Variants in BBS9 observed in about 807,000 individuals in gnomAD.
BBS9 encodes Bardet-Biedl syndrome 9.
BBS9 carries 89 observed loss-of-function variants against 117.7 expected under a neutral mutation model. The ratio of observed to expected loss-of-function variants is 0.76; its 90% CI spans 0.64 to 0.90. The LOEUF (loss-of-function observed/expected upper bound fraction) is 0.90. Ranked by LOEUF, BBS9 falls within the 40% of genes least tolerant of loss-of-function variation. The pLI, the probability that BBS9 is intolerant of heterozygous loss-of-function variation, is 0.00. For missense variants in BBS9, 982 were observed against 1,042.2 expected (o/e 0.94, Z 0.80); for synonymous variants, 379 against 370.9 (o/e 1.02, Z -0.25).
At chr7:33,441,873 A>G (rs1005095644) in intron 19 of BBS9, among the ~76,000 whole-genome samples, 2 of 150,598 alleles carry the variant, frequency 1.3e-5, no homozygotes, top group Non-Finnish European at 3.0e-5. Flanking sequence ...AATGTTTTCA[A>G]CCATCCCTGG....
At position 33,505,609 on chromosome 7, in the gene BBS9, G is replaced by T. The variant is rs751886707; in HGVS notation, c.2262G>T (p.Ala754=). The T allele has an allele frequency of 4.3e-6, 7 of 1,613,786 alleles. No individual in the cohort carries two copies. Among genetic ancestry groups the T allele is most frequent in the Middle Eastern group, 1.7e-4 (1 of 5,928 alleles). ...CTGACCAGGTTGCTATTCTGGAAGC[G>T]GCATTTCTGCCGCTACAAGAAGACA... ...LSADQVAILE[A]AFLPLQEDTQ... is the part of the protein sequence containing the mutation. Residue 754 remains alanine (A), a synonymous_variant, in exon 20 of 23, where the codon GCG becomes GCT. Coordinates refer to ENST00000242067, the MANE Select transcript of BBS9 (RefSeq NM_198428.3).
At position 33,407,193 on chromosome 7, in the gene BBS9, A is replaced by G. The variant is rs143308394; in HGVS notation, c.2115+19049A>G. On this transcript the variant is annotated intron_variant, in intron 19 of 22. Transcript: ENST00000242067. The stretch of plus-strand genomic sequence containing the variant: ...CTTCATTTCGTTCATTTCATCTTCC[A>G]TCACTGATACCCTTTCTTCCTGTTG... Among the ~76,000 whole-genome samples, 202 of 152,204 alleles carry G rather than the reference A, an allele frequency of 1.3e-3. 5 individuals are homozygous for G. The East Asian group carries it at 0.029, about 22-fold the overall frequency.
At chr7:33,172,685 A>G (rs1222357261) in intron 4 of BBS9, among the ~76,000 whole-genome samples, 1 of 152,230 alleles carries the variant, frequency 6.6e-6, no homozygotes. Flanking sequence ...TCTTCCAGTT[A>G]CTTGTTTCAT....
At chr7:33,589,001 A>C (rs1249335928) in intron 21 of BBS9, among the ~76,000 whole-genome samples, 2 of 152,158 alleles carry the variant, frequency 1.3e-5, no homozygotes, top group Non-Finnish European at 2.9e-5. Context: ...TGAATGAAGG[A>C]ATGACATGAC....
At chr7:33,350,766 C>T (rs980406078) in intron 13 of BBS9, among the ~76,000 whole-genome samples, 19 of 152,150 alleles carry the variant, frequency 1.2e-4, no homozygotes, top group African/African-American at 4.1e-4. Flanking sequence ...GTTTTTGAGA[C>T]AGAGTCTCAC....
intron 19 of BBS9, among the ~76,000 whole-genome samples, chr7:33,407,600 A>G (rs1325167751): frequency 3.4e-5 from 5 of 146,194 alleles, no homozygotes; most frequent in African/African-American, 1.2e-4. Flanking sequence ...GGTGATGTAC[A>G]GATGGGTTTT....
chr7:33,194,328 T>C (rs1482424119), intron 5 of BBS9, among the ~76,000 whole-genome samples: 1 of 152,160 alleles, frequency 6.6e-6, no homozygotes, highest in Non-Finnish European at 1.5e-5. Flanking sequence ...AGTTTGGTCT[T>C]AGCAGCTTCA....
At chr7:33,408,221 G>C (rs1439584092) in intron 19 of BBS9, among the ~76,000 whole-genome samples, 6 of 152,222 alleles carry the variant, frequency 3.9e-5, no homozygotes. Flanking sequence ...GAGACTCCAT[G>C]GGTGTAGGAC....
intron 5 of BBS9, among the ~76,000 whole-genome samples, chr7:33,198,081 G>A (rs1462862744): frequency 6.6e-6 from 1 of 151,940 alleles, no homozygotes; most frequent in East Asian, 1.9e-4. Context: ...TTCTACCTAA[G>A]TTAAAAGTGA....
chr7:33,170,943 G>C (rs1232637111), intron 4 of BBS9, among the ~76,000 whole-genome samples: 2 of 150,348 alleles, frequency 1.3e-5, no homozygotes, highest in East Asian at 3.9e-4. Flanking sequence ...ACTGCTCAAG[G>C]AAATAAAAGA....
intron 19 of BBS9, among the ~76,000 whole-genome samples, chr7:33,397,953 T>A (rs1431956732): frequency 6.6e-6 from 1 of 151,982 alleles, no homozygotes; most frequent in Non-Finnish European, 1.5e-5. Context: ...CTGCACATCC[T>A]GCACATGTAC....
intron 19 of BBS9, among the ~76,000 whole-genome samples, chr7:33,503,455 A>G (rs866188868): frequency 2.6e-5 from 4 of 152,206 alleles, no homozygotes; most frequent in African/African-American, 7.2e-5. Flanking sequence ...ATAGTTATTC[A>G]CATAATAATC....
At chr7:33,242,539 C>CT (rs144856380) in intron 5 of BBS9, among the ~76,000 whole-genome samples, 3,577 of 151,226 alleles carry the variant, frequency 0.024, 134 homozygotes, top group African/African-American at 0.081. Context: ...ATTTTATTTA[C>CT]TTTTTTTTTG....
chr7:33,455,753 G>A (rs1838570824), intron 19 of BBS9, among the ~76,000 whole-genome samples: 1 of 152,166 alleles, frequency 6.6e-6, no homozygotes, highest in Non-Finnish European at 1.5e-5. Context: ...GCTAACCAAA[G>A]ATCAGAACTA....
intron 11 of BBS9, 40 bp from the exon 12 acceptor site, chr7:33,344,541 G>A (rs1230938342): frequency 3.8e-6 from 6 of 1,589,184 alleles, no homozygotes; most frequent in Non-Finnish European, 5.2e-6. Context: ...GTGTAATATT[G>A]ACATCATTCT....
intron 17 of BBS9, among the ~76,000 whole-genome samples, chr7:33,373,849 G>T (rs1389845817): frequency 3.3e-5 from 5 of 152,266 alleles, no homozygotes; most frequent in African/African-American, 1.2e-4. Flanking sequence ...TCACATATGT[G>T]AAAAATGGTT....
intron 15 of BBS9, among the ~76,000 whole-genome samples, chr7:33,354,473 G>T (rs1436490070): frequency 6.6e-6 from 1 of 152,086 alleles, no homozygotes; most frequent in Admixed American, 6.6e-5. Context: ...ATGAAGCACA[G>T]TACGTAGCCA....
At chr7:33,168,043 A>G (rs570791449) in intron 4 of BBS9, among the ~76,000 whole-genome samples, 258 of 152,330 alleles carry the variant, frequency 1.7e-3, no homozygotes, top group Non-Finnish European at 3.2e-3. Flanking sequence ...ATATATTAAT[A>G]ACATATTCAT....
intron 19 of BBS9, among the ~76,000 whole-genome samples, chr7:33,487,548 T>A (rs1340239470): frequency 6.6e-6 from 1 of 152,210 alleles, no homozygotes; most frequent in South Asian, 2.1e-4. Flanking sequence ...GTAAAATGAT[T>A]TGCCTGAGGT....
Sources: allele counts gnomAD v4.1 joint callset (sites outside exome capture counted in the v4.1 genomes callset), GRCh38; gene constraint gnomAD v4.1.1; transcripts MANE v1.5; gene names NCBI Gene and HGNC (gene_info 2026-07-23, HGNC 2026-07-21).